PREX1: variants seen among roughly 807,000 people sequenced by gnomAD.
The protein encoded by PREX1 is phosphatidylinositol-3,4,5-trisphosphate dependent Rac exchange factor 1.
PREX1 carries 41 observed loss-of-function variants against 198.3 expected under a neutral mutation model. That is an observed-to-expected ratio of 0.21 (90% confidence interval 0.16 to 0.27). The LOEUF (loss-of-function observed/expected upper bound fraction) is 0.27, where lower values mean the gene tolerates loss of function less well. Among genes scored for constraint, PREX1 ranks in the 10% least tolerant of loss-of-function variants. PREX1 has a pLI of 1.00. For missense variants in PREX1, 1,620 were observed against 2,200.7 expected, an observed-to-expected ratio of 0.74 and a Z score of 5.28; for synonymous variants, 843 against 887.2, an observed-to-expected ratio of 0.95 and a Z score of 0.89.
At chr20:48,746,086 A>C (rs1473509767) in intron 2 of PREX1, among the ~76,000 whole-genome samples, 6 of 152,112 alleles carry the variant, frequency 3.9e-5, no homozygotes, top group Non-Finnish European at 1.5e-5. Context: ...AGTGGCACAA[A>C]CTTGGCTCAG....
intron 9 of PREX1, 42 bp from the exon 10 acceptor site, chr20:48,688,846 C>T: frequency 6.2e-7 from 1 of 1,612,058 alleles, no homozygotes; most frequent in Non-Finnish European, 8.5e-7. Context: ...GCACCAGGCC[C>T]AGGGCAGGGG....
rs1397882318 is a variant in PREX1, at chr20:48,745,161, A to C, written c.292-14T>G. Reference sequence around the variant, plus strand: ...CGAGAACAGGACCTGTGAGGAAAAGAGAGGCCAGAGGACAGCGTTAAGGCT... The same window carrying C: ...CGAGAACAGGACCTGTGAGGAAAAGCGAGGCCAGAGGACAGCGTTAAGGCT... On this transcript the variant is annotated splice_polypyrimidine_tract_variant and intron_variant, in intron 2 of 39. Transcript: ENST00000371941. The C allele has an allele frequency of 6.2e-7, 1 of 1,610,440 alleles. No homozygotes were observed. Among genetic ancestry groups the C allele is most frequent in the South Asian group, 1.1e-5 (1 of 91,000 alleles).
At chr20:48,665,118 A>G (rs2089628275) in intron 15 of PREX1, among the ~76,000 whole-genome samples, 2 of 142,144 alleles carry the variant, frequency 1.4e-5, no homozygotes, top group Non-Finnish European at 3.0e-5. Context: ...CTGAATTCTA[A>G]TCCCACCCCA....
chr20:48,773,928 A>G (rs1387529853), intron 1 of PREX1, among the ~76,000 whole-genome samples: 3 of 152,020 alleles, frequency 2.0e-5, no homozygotes, highest in African/African-American at 7.2e-5. Flanking sequence ...GTGATGGAGG[A>G]TTTGACCAGG....
At chr20:48,773,224 G>A (rs1212744061) in intron 1 of PREX1, among the ~76,000 whole-genome samples, 5 of 131,790 alleles carry the variant, frequency 3.8e-5, no homozygotes, top group African/African-American at 1.2e-4. Flanking sequence ...CCGAGATCAC[G>A]CCACTGCACT....
chr20:48,629,429 C>A lies in PREX1; in HGVS notation c.4766+20G>T. ...AGGCCAGCCCCTCCCCACACCCCGACTCAGCGGGCAGCAGCTCACCTCTGC... is the reference window on the plus strand; with the variant it reads ...AGGCCAGCCCCTCCCCACACCCCGAATCAGCGGGCAGCAGCTCACCTCTGC... On this transcript the variant is annotated intron_variant, in intron 37 of 39. Transcript: ENST00000371941. The A allele has an allele frequency of 6.2e-7, 1 of 1,608,714 alleles. No homozygotes were observed. Among genetic ancestry groups the A allele is most frequent in the Non-Finnish European group, 8.5e-7 (1 of 1,176,598 alleles).
At chr20:48,737,396 C>T (rs186583553) in intron 3 of PREX1, among the ~76,000 whole-genome samples, 63 of 152,186 alleles carry the variant, frequency 4.1e-4, no homozygotes, top group African/African-American at 1.4e-3. Flanking sequence ...CCCTGAATCT[C>T]CTGGGACTGT....
rs144665723 is a variant in PREX1 at position 48,747,544 on chromosome 20, T to C, written c.291+265A>G. ...AGCCCGGAAGACTGGGGGGTCACAA[T>C]GAGCACAGAGGGAAAGTCTCGGGTT... On this transcript the variant is annotated intron_variant, in intron 2 of 39. Transcript: ENST00000371941. Among the ~76,000 whole-genome samples, 168 of 152,250 alleles carry C rather than the reference T, an allele frequency of 1.1e-3. 1 individual carries two copies. The highest frequency in any genetic ancestry group is 3.7e-3 in the African/African-American group (153 of 41,560).
At chr20:48,679,290 G>A in intron 13 of PREX1, 70 bp downstream of exon 13, 7 of 1,417,824 alleles carry the variant, frequency 4.9e-6, no homozygotes, top group South Asian at 1.2e-5. Flanking sequence ...GAGAGGTTAA[G>A]TTGCCAGCCC....
intron 4 of PREX1, among the ~76,000 whole-genome samples, chr20:48,732,942 G>A (rs781225549): frequency 2.0e-5 from 3 of 152,088 alleles, no homozygotes; most frequent in Non-Finnish European, 4.4e-5. Context: ...TCATAACCTA[G>A]GGCCTTAGCC....
intron 13 of PREX1, among the ~76,000 whole-genome samples, chr20:48,677,905 G>C (rs553139176): frequency 6.6e-6 from 1 of 152,212 alleles, no homozygotes; most frequent in Admixed American, 6.5e-5. Context: ...AGAATCGCTT[G>C]AATCCAGGAG....
At chr20:48,770,664 T>G (rs755456496) in intron 1 of PREX1, among the ~76,000 whole-genome samples, 1 of 152,002 alleles carries the variant, frequency 6.6e-6, no homozygotes, top group Non-Finnish European at 1.5e-5. Flanking sequence ...GAGCCAAGAT[T>G]GCTCCACTGC....
chr20:48,688,928 TCCA>T (rs2089801247), intron 9 of PREX1, 124 bp from the exon 10 acceptor site: 88 of 1,136,580 alleles, frequency 7.7e-5, no homozygotes, highest in South Asian at 4.8e-4. Flanking sequence ...CCACCTGCCC[TCCA>T]CCACCACCAC....
the PREX1 span, among the ~76,000 whole-genome samples, chr20:48,856,722 G>A: frequency 1.3e-5 from 2 of 152,218 alleles, no homozygotes; most frequent in African/African-American, 2.4e-5. Context: ...AAAAACAACA[G>A]TTTGCAAAAC....
chr20:48,792,001 C>G (rs1025587188), intron 1 of PREX1, among the ~76,000 whole-genome samples: 9 of 152,164 alleles, frequency 5.9e-5, no homozygotes, highest in African/African-American at 2.2e-4. Context: ...CTCCAGAAGG[C>G]ACAGATTGGG....
At chr20:48,699,738 A>G (rs1188868755) in intron 7 of PREX1, among the ~76,000 whole-genome samples, 1 of 152,026 alleles carries the variant, frequency 6.6e-6, no homozygotes, top group African/African-American at 2.4e-5. Flanking sequence ...CCATCTATCC[A>G]TTCACTCAAC....
intron 15 of PREX1, 101 bp from the exon 16 acceptor site, chr20:48,660,162 C>T (rs1015154929): frequency 1.1e-5 from 16 of 1,464,596 alleles, no homozygotes; most frequent in Non-Finnish European, 1.4e-5. Flanking sequence ...GCCATGGACA[C>T]GTTTGGTTTG....
At chr20:48,836,672 TG>T in the PREX1 span, among the ~76,000 whole-genome samples, 1 of 152,082 alleles carries the variant, frequency 6.6e-6, no homozygotes, top group East Asian at 1.9e-4. Flanking sequence ...CCTAGCACTT[TG>T]GGAGGCCATG....
intron 5 of PREX1, 90 bp downstream of exon 5, chr20:48,726,200 G>T: frequency 4.5e-6 from 5 of 1,107,034 alleles, no homozygotes; most frequent in Non-Finnish European, 6.7e-6. Flanking sequence ...TGACACTGCT[G>T]CTAGACTTCT....
Sources: allele counts gnomAD v4.1 joint callset (sites outside exome capture counted in the v4.1 genomes callset), GRCh38; gene constraint gnomAD v4.1.1; transcripts MANE v1.5; gene names NCBI Gene and HGNC (gene_info 2026-07-23, HGNC 2026-07-21).